TMTC1: variants seen among roughly 807,000 people sequenced by gnomAD.
TMTC1 encodes protein O-mannosyl-transferase TMTC1.
A neutral mutation model predicts 104.8 loss-of-function variants in TMTC1; 73 were observed. The ratio of observed to expected loss-of-function variants is 0.70; its 90% confidence interval spans 0.58 to 0.85. The LOEUF is 0.85. Ranked by LOEUF, TMTC1 falls within the 40% of genes least tolerant of loss-of-function variation. The pLI is 0.00. For synonymous variants in TMTC1, 434 were observed against 428.7 expected (o/e 1.01, Z -0.15); for missense variants, 1,035 against 1,096.1 (o/e 0.94, Z 0.79).
intron 11 of TMTC1, chr12:29,533,503 A>G (rs1944562594): frequency 6.6e-6 from 1 of 152,194 alleles, no homozygotes; most frequent in South Asian, 2.1e-4. Context: ...GTCTCGAAAC[A>G]TCTCTGTAGA....
intron 5 of TMTC1, among the ~76,000 whole-genome samples, chr12:29,710,834 A>G: frequency 7.3e-6 from 1 of 136,578 alleles, no homozygotes; most frequent in South Asian, 2.1e-4. Context: ...TATATAATAT[A>G]AATATATTAA....
At chr12:29,577,146 T>C (rs1162987495) in intron 8 of TMTC1, among the ~76,000 whole-genome samples, 1 of 152,154 alleles carries the variant, frequency 6.6e-6, no homozygotes, top group Non-Finnish European at 1.5e-5. Context: ...AGATGCTAAT[T>C]TTTTTTCTTT....
At chr12:29,673,942 A>G (rs898523395) in intron 5 of TMTC1, among the ~76,000 whole-genome samples, 1 of 151,740 alleles carries the variant, frequency 6.6e-6, no homozygotes, top group African/African-American at 2.4e-5. Flanking sequence ...TATTTCTAGT[A>G]GAGACAGGGT....
intron 9 of TMTC1, among the ~76,000 whole-genome samples, chr12:29,565,810 G>C (rs574855537): frequency 1.3e-5 from 2 of 152,124 alleles, no homozygotes; most frequent in African/African-American, 4.8e-5. Flanking sequence ...TCGCACCACC[G>C]CACTCCAGCT....
At chr12:29,544,287 G>A (rs886975962) in intron 10 of TMTC1, among the ~76,000 whole-genome samples, 3 of 150,904 alleles carry the variant, frequency 2.0e-5, no homozygotes, top group Non-Finnish European at 4.4e-5. Context: ...TCATTAGACA[G>A]AGTGGCGCAA....
chr12:29,685,018 C>A (rs1212487828), intron 5 of TMTC1, among the ~76,000 whole-genome samples: 1 of 152,070 alleles, frequency 6.6e-6, no homozygotes, highest in African/African-American at 2.4e-5. Context: ...TAAGAAACTA[C>A]TTTTTAAAAA....
At chr12:29,749,613 C>T (rs1318974926) in intron 5 of TMTC1, among the ~76,000 whole-genome samples, 1 of 152,154 alleles carries the variant, frequency 6.6e-6, no homozygotes, top group Non-Finnish European at 1.5e-5. Flanking sequence ...TGGCCCTCAA[C>T]AAAAATGTCC....
chr12:29,765,275 A>T (rs1331560057), intron 2 of TMTC1, among the ~76,000 whole-genome samples: 2 of 152,182 alleles, frequency 1.3e-5, no homozygotes. Context: ...TGCATTGTAG[A>T]TATCGACATT....
chr12:29,630,309 G>C (rs1035265240), intron 6 of TMTC1, among the ~76,000 whole-genome samples: 2 of 152,190 alleles, frequency 1.3e-5, no homozygotes, highest in African/African-American at 2.4e-5. Context: ...AGGTAAAGAG[G>C]AAGCAGGGAC....
At chr12:29,612,882 T>C (rs919798821) in intron 6 of TMTC1, among the ~76,000 whole-genome samples, 1 of 152,196 alleles carries the variant, frequency 6.6e-6, no homozygotes, top group African/African-American at 2.4e-5. Context: ...TTTTGACATA[T>C]GAAATCAAAT....
chr12:29,769,745 G>C (rs965126748), intron 1 of TMTC1, among the ~76,000 whole-genome samples: 3 of 152,134 alleles, frequency 2.0e-5, no homozygotes, highest in Non-Finnish European at 2.9e-5. Context: ...ACAAGGATGA[G>C]AGAAAACAGG....
At chr12:29,648,299 A>G (rs902886493) in intron 5 of TMTC1, among the ~76,000 whole-genome samples, 1 of 152,218 alleles carries the variant, frequency 6.6e-6, no homozygotes, top group Non-Finnish European at 1.5e-5. Flanking sequence ...GCTGAGATAA[A>G]TTCTTAAGGC....
At chr12:29,583,879 GC>G (rs1174143938) in intron 7 of TMTC1, among the ~76,000 whole-genome samples, 1 of 152,158 alleles carries the variant, frequency 6.6e-6, no homozygotes, top group Non-Finnish European at 1.5e-5. Flanking sequence ...CCACATATAA[GC>G]TCTTGGGTCC....
At position 29,783,699 on chromosome 12, in the gene TMTC1, C is replaced by A; in HGVS notation, c.53G>T (p.Arg18Leu). The A allele has an allele frequency of 7.9e-7, 1 of 1,260,018 alleles. No homozygotes were observed. The highest frequency in any genetic ancestry group is 9.9e-7 in the Non-Finnish European group (1 of 1,010,016). 78.1% of individuals were successfully genotyped at this position (1,260,018 alleles called of 1,614,324 possible). The part of the protein sequence containing the change: ...RGGGGDRTPS[R>L]RRGCGLAPAG... ...CGGCGCTAGCCCGCAGCCCCGCCGC[C>A]GGGAGGGTGTGCGGTCCCCGCCGCC... The change falls in exon 1 of 18, where the codon CGG becomes CTG. Residue 18 changes from arginine to leucine, a missense_variant. Arg to Leu is a moderately radical substitution (Grantham distance 102). Transcript: ENST00000539277. This position sits in a 1 kb window ranked among gnomAD's most constrained non-coding sequence, Gnocchi z 4.7.
rs1243674341 is a variant in TMTC1, at chr12:29,599,918, GTA to G, written c.1250+4258_1250+4259del. On this transcript the variant is annotated intron_variant, in intron 7 of 17. Coordinates refer to ENST00000539277, the MANE Select transcript of TMTC1 (RefSeq NM_001193451.2). Reference sequence around the variant, plus strand: ...TATATATACATGTGTATATATATGTGTATATATATGTGTATATATATGTGTGT... The same window carrying G: ...TATATATACATGTGTATATATATGTGTATATATGTGTATATATATGTGTGT... Among the ~76,000 whole-genome samples the G allele has an allele frequency of 5.4e-5, 8 of 147,518 alleles. No individual in the cohort carries two copies. The South Asian group carries it at 1.7e-3, about 31-fold the overall frequency.
intron 10 of TMTC1, among the ~76,000 whole-genome samples, chr12:29,546,398 G>A (rs1288795038): frequency 6.6e-6 from 1 of 152,134 alleles, no homozygotes; most frequent in Non-Finnish European, 1.5e-5. Context: ...TATATCAGGA[G>A]GGTACAAATG....
chr12:29,687,579 T>C (rs530500596), intron 5 of TMTC1, among the ~76,000 whole-genome samples: 3 of 152,358 alleles, frequency 2.0e-5, no homozygotes, highest in South Asian at 2.1e-4. Context: ...TGTAGTACTG[T>C]TGCAGTGTTA....
intron 5 of TMTC1, among the ~76,000 whole-genome samples, chr12:29,743,310 A>C (rs1942874075): frequency 6.6e-6 from 1 of 152,168 alleles, no homozygotes; most frequent in Non-Finnish European, 1.5e-5. Context: ...TTTCGCAAGA[A>C]TCAAAATTGT....
At chr12:29,662,426 C>A (rs1036081605) in intron 5 of TMTC1, among the ~76,000 whole-genome samples, 1 of 151,822 alleles carries the variant, frequency 6.6e-6, no homozygotes, top group Non-Finnish European at 1.5e-5. Context: ...CGGAGGCAGG[C>A]GGATCACGAG....
Sources: allele counts gnomAD v4.1 joint callset (sites outside exome capture counted in the v4.1 genomes callset), GRCh38; gene constraint gnomAD v4.1.1; non-coding constraint Gnocchi (gnomAD v3.1); transcripts MANE v1.5; gene names NCBI Gene and HGNC (gene_info 2026-07-23, HGNC 2026-07-21).